GRIN3A: variants seen among roughly 807,000 people sequenced by gnomAD.
GRIN3A encodes glutamate ionotropic receptor NMDA type subunit 3A.
A neutral mutation model predicts 92.4 loss-of-function variants in GRIN3A; 47 were observed. The observed-to-expected ratio is 0.51, with a 90% CI of 0.40 to 0.65. The LOEUF (loss-of-function observed/expected upper bound fraction) is 0.65. Ranked by LOEUF, GRIN3A falls within the 30% of genes least tolerant of loss-of-function variation. GRIN3A has a pLI of 0.00. For missense variants in GRIN3A, 1,324 were observed against 1,393.1 expected, an observed-to-expected ratio of 0.95 and a Z score of 0.79; for synonymous variants, 527 against 540.6, an observed-to-expected ratio of 0.97 and a Z score of 0.35.
At chr9:101,605,076 T>C (rs1828261323) in intron 6 of GRIN3A, among the ~76,000 whole-genome samples, 1 of 152,256 alleles carries the variant, frequency 6.6e-6, no homozygotes, top group Non-Finnish European at 1.5e-5. Context: ...TCCTCCTCTG[T>C]GCCCCGGGAC....
chr9:101,718,841 GT>G (rs1829976516), intron 1 of GRIN3A, among the ~76,000 whole-genome samples: 1 of 152,230 alleles, frequency 6.6e-6, no homozygotes, highest in African/African-American at 2.4e-5. Flanking sequence ...AGCTAGAACT[GT>G]TTAGTTTTTA....
At position 101,623,374 on chromosome 9, in the gene GRIN3A, A is replaced by T; in HGVS notation, c.2558T>A (p.Val853Glu). ...AAGTTTGCAGTCAGCATCTATTGAC[A>T]CTTCATAATCCAGAAGGGCTTTGTC... ...IMDKALLDYE[V>E]SIDADCKLLT... Residue 853 changes from valine to glutamate, a missense_variant, in exon 5 of 9, where the codon GTG becomes GAG. Coordinates refer to ENST00000361820, the MANE Select transcript of GRIN3A (RefSeq NM_133445.3). 6.2e-7 allele frequency: 1 copy of T among 1,614,008 alleles called. No individual in the cohort carries two copies. The highest frequency in any genetic ancestry group is 8.5e-7 in the Non-Finnish European group (1 of 1,179,854).
At chr9:101,594,380 T>A in intron 6 of GRIN3A, 7 of 1,558,030 alleles carry the variant, frequency 4.5e-6, no homozygotes, top group Non-Finnish European at 5.2e-6. Context: ...AAAGCAGAAG[T>A]TGTTGGGTGG....
intron 6 of GRIN3A, among the ~76,000 whole-genome samples, chr9:101,581,044 A>G (rs1827881310): frequency 6.6e-6 from 1 of 152,222 alleles, no homozygotes; most frequent in Non-Finnish European, 1.5e-5. Context: ...TATTGAGTTA[A>G]TACTAGGTGC....
intron 6 of GRIN3A, among the ~76,000 whole-genome samples, chr9:101,595,749 A>G (rs955896830): frequency 6.6e-6 from 1 of 152,096 alleles, no homozygotes; most frequent in African/African-American, 2.4e-5. Context: ...CAAGAACACA[A>G]CCTCTGTTAC....
intron 1 of GRIN3A, among the ~76,000 whole-genome samples, chr9:101,733,105 G>A (rs1201520761): frequency 6.6e-6 from 1 of 152,132 alleles, no homozygotes; most frequent in African/African-American, 2.4e-5. Context: ...GATAAAACAC[G>A]AGGAATTAGA....
At chr9:101,577,880 G>A in intron 7 of GRIN3A, 36 bp from the exon 8 acceptor site, 1 of 1,460,808 alleles carries the variant, frequency 6.8e-7, no homozygotes. Context: ...TAGAAATTAT[G>A]AGAAACACAT....
At chr9:101,577,095 G>C (rs2118781245) in intron 8 of GRIN3A, among the ~76,000 whole-genome samples, 1 of 152,248 alleles carries the variant, frequency 6.6e-6, no homozygotes, top group South Asian at 2.1e-4. Context: ...GAAGAGCTTC[G>C]ATTTTCAGAT....
At chr9:101,669,036 G>A (rs1829278992) in intron 3 of GRIN3A, among the ~76,000 whole-genome samples, 1 of 152,184 alleles carries the variant, frequency 6.6e-6, no homozygotes, top group Non-Finnish European at 1.5e-5. Context: ...CTTAGCTTAA[G>A]TTGCTTTAGA....
chr9:101,708,672 C>T (rs941042348), intron 1 of GRIN3A, among the ~76,000 whole-genome samples: 3 of 152,100 alleles, frequency 2.0e-5, no homozygotes, highest in African/African-American at 7.2e-5. Context: ...CATCTTTGTT[C>T]AAAGCATAAA....
chr9:101,705,110 G>T (rs1370656924), intron 1 of GRIN3A, among the ~76,000 whole-genome samples: 1 of 152,034 alleles, frequency 6.6e-6, no homozygotes, highest in Non-Finnish European at 1.5e-5. Flanking sequence ...ATGAGAACAC[G>T]CACTCCTGTT....
At chr9:101,652,563 C>G (rs1366494240) in intron 3 of GRIN3A, among the ~76,000 whole-genome samples, 1 of 151,934 alleles carries the variant, frequency 6.6e-6, no homozygotes. Context: ...GTGCTGTCCT[C>G]TGGTGATGGA....
chr9:101,606,906 A>ATTTTTTTTTTTTTTTTTTTTTTTTTT (rs536780165), intron 6 of GRIN3A, among the ~76,000 whole-genome samples: 1 of 86,202 alleles, frequency 1.2e-5, no homozygotes, highest in Non-Finnish European at 2.2e-5. Context: ...AAAAAATTAC[A>ATTTTTTTTTTTTTTTTTTTTTTTTTT]TTTTTTTTTT....
chr9:101,626,886 G>A (rs111484123), intron 4 of GRIN3A, among the ~76,000 whole-genome samples: 12 of 152,278 alleles, frequency 7.9e-5, no homozygotes, highest in South Asian at 2.1e-4. Context: ...ATCTGTGGCC[G>A]CTTTCCTGAA....
intron 1 of GRIN3A, among the ~76,000 whole-genome samples, chr9:101,729,364 G>A (rs1231750779): frequency 6.6e-6 from 1 of 152,100 alleles, no homozygotes; most frequent in African/African-American, 2.4e-5. Flanking sequence ...GTCAAGGGTG[G>A]CATTCTTTCT....
chr9:101,723,115 C>T (rs879715943), intron 1 of GRIN3A, among the ~76,000 whole-genome samples: 5 of 152,166 alleles, frequency 3.3e-5, no homozygotes, highest in African/African-American at 9.7e-5. Flanking sequence ...ATGCTATTCT[C>T]GTGATAGTAA....
In GRIN3A at chr9:101,709,488, G is replaced by A. The variant is rs567875753; in HGVS notation, c.700-22288C>T. Among the ~76,000 whole-genome samples, 13 of 152,320 alleles carry A rather than the reference G, an allele frequency of 8.5e-5. No individual in the cohort carries two copies. The South Asian group carries it at 2.7e-3, about 32-fold the overall frequency. On this transcript the variant is annotated intron_variant, in intron 1 of 8. Transcript: ENST00000361820. ...GAAGTTAGGACCTACGAATTCCATA[G>A]TTGATGTTGTAGCAGCTCACGCTGC...
chr9:101,631,489 A>C lies in GRIN3A; in HGVS notation c.2353-3088T>G, dbSNP rs893582950. Among the ~76,000 whole-genome samples, 3 of 152,218 alleles carry C rather than the reference A, an allele frequency of 2.0e-5. No individual in the cohort carries two copies. The South Asian group carries it at 6.2e-4, about 31-fold the overall frequency. The stretch of plus-strand genomic sequence containing the variant: ...GATAATACTTTTATGGTCTATGACC[A>C]GGATTTTTAGGGAAATCCTGCTTTT... On this transcript the variant is annotated intron_variant, in intron 3 of 8. Transcript: ENST00000361820.
chr9:101,652,942 G>C (rs561031989), intron 3 of GRIN3A, among the ~76,000 whole-genome samples: 2 of 151,736 alleles, frequency 1.3e-5, no homozygotes, highest in Admixed American at 6.6e-5. Context: ...TTTTTTTTAG[G>C]GGGGCTGGGA....
Sources: allele counts gnomAD v4.1 joint callset (sites outside exome capture counted in the v4.1 genomes callset), GRCh38; gene constraint gnomAD v4.1.1; transcripts MANE v1.5; gene names NCBI Gene and HGNC (gene_info 2026-07-23, HGNC 2026-07-21).